Variants in SPACA3 observed in about 807,000 individuals in gnomAD.
SPACA3 encodes the protein sperm acrosome membrane-associated protein 3.
Under a neutral mutation model 24.5 loss-of-function variants are expected in SPACA3, and 21 were observed. That is an observed-to-expected ratio of 0.86 (90% CI 0.61 to 1.24). SPACA3 has a LOEUF of 1.24. Ranked by LOEUF, SPACA3 falls within the 50% of genes most tolerant of loss-of-function variation. SPACA3 has a pLI of 0.00. For missense variants in SPACA3, 278 were observed against 275.5 expected, an observed-to-expected ratio of 1.01 and a Z score of -0.06; for synonymous variants, 115 against 106.9, an observed-to-expected ratio of 1.08 and a Z score of -0.47.
chr17:32,993,806 G>C (rs982217337), intron 1 of SPACA3, among the ~76,000 whole-genome samples: 1 of 152,074 alleles, frequency 6.6e-6, no homozygotes, highest in Non-Finnish European at 1.5e-5. Context: ...AAGTCTCTAC[G>C]AGCAGGGGAA....
At chr17:32,994,193 G>A (rs2091708593) in intron 1 of SPACA3, among the ~76,000 whole-genome samples, 1 of 152,180 alleles carries the variant, frequency 6.6e-6, no homozygotes, top group African/African-American at 2.4e-5. Context: ...GCAGAGACAA[G>A]CGCGAGTACC....
In SPACA3 at chr17:32,996,979, C is replaced by G; in HGVS notation, c.480C>G (p.Asn160Lys). ...GCAACCTCACCCCGAACGTCCCCAA[C>G]GTGTGCCGGATGTACTGCTCAGGTA... ...WCSNLTPNVP[N>K]VCRMYCSDLL... The change falls in exon 3 of 5, where the codon AAC becomes AAG. Residue 160 changes from asparagine to lysine, a missense_variant. Transcript: ENST00000269053. 1 of 1,574,684 alleles carries G rather than the reference C, an allele frequency of 6.4e-7. No individual in the cohort carries two copies. The highest frequency in any genetic ancestry group is 8.6e-7 in the Non-Finnish European group (1 of 1,160,656).
At chr17:32,996,201 T>G (rs16967848) in intron 2 of SPACA3, among the ~76,000 whole-genome samples, 24,807 of 152,146 alleles carry the variant, frequency 0.16, 2,782 homozygotes, top group African/African-American at 0.32. Flanking sequence ...GATTTAGCAC[T>G]TGTAGGCTGG....
rs768144125 is a variant in SPACA3 at position 32,995,416 on chromosome 17, C to T, written c.42C>T (p.His14=). 2 of 1,596,872 alleles carry T rather than the reference C, an allele frequency of 1.3e-6. No homozygotes were observed. The highest frequency in any genetic ancestry group is 3.4e-5 in the Admixed American group (2 of 59,184). ...ALRGAPLIRV[H]SSPVSSPSVS... ...TCCTCTCCCCTTTCCCAGGGGTGCA[C>T]TCAAGCCCTGTTTCTTCTCCTTCTG... Residue 14 remains histidine (H), a synonymous_variant, in exon 2 of 5, where the codon CAC becomes CAT. Transcript: ENST00000269053.
At chr17:32,993,545 C>T (rs536143727) in intron 1 of SPACA3, among the ~76,000 whole-genome samples, 19 of 152,236 alleles carry the variant, frequency 1.2e-4, no homozygotes, top group Admixed American at 6.5e-4. Flanking sequence ...CTTTCAACAG[C>T]GGGTGGCGGA....
chr17:32,996,882 C>A lies in SPACA3; in HGVS notation c.383C>A (p.Ala128Asp). ...TATTTCACAAGCGGTTTCAACGCAG[C>A]TGCTTTGGACTACGAGGCTGATGGG... is the stretch of plus-strand genomic sequence containing the variant. ...LAYFTSGFNA[A>D]ALDYEADGST... The change falls in exon 3 of 5, where the codon GCT (alanine) becomes GAT (aspartate). Residue 128 changes from alanine to aspartate, a missense_variant. Ala to Asp is a moderately radical substitution (Grantham distance 126). Coordinates refer to ENST00000269053, the MANE Select transcript of SPACA3 (RefSeq NM_173847.5). The A allele has an allele frequency of 6.2e-7, 1 of 1,608,600 alleles. No individual in the cohort carries two copies. The highest frequency in any genetic ancestry group is 8.5e-7 in the Non-Finnish European group (1 of 1,177,356).
intron 3 of SPACA3, 101 bp from the exon 4 acceptor site, chr17:32,997,344 T>TAG (rs111922885): frequency 0.01 from 6,044 of 597,856 alleles, 38 homozygotes; most frequent in Admixed American, 0.014. Context: ...TGTGTGTGTG[T>TAG]AGAGAGAGAG....
rs1598225247 is a variant in SPACA3 at position 32,997,431 on chromosome 17, G to C, written c.503-14G>C. On this transcript the variant is annotated splice_polypyrimidine_tract_variant and intron_variant, in intron 3 of 4. Transcript: ENST00000269053. ...TCCTGTTCTCTCATTGTGTTTCTCT[G>C]CCTATCACCCCAGATTTGTTGAATC... 1 of 1,611,702 alleles carries C rather than the reference G, an allele frequency of 6.2e-7. No homozygotes were observed. The highest frequency in any genetic ancestry group is 1.7e-5 in the Admixed American group (1 of 59,898).
At chr17:32,992,536 G>A (rs2091695803) in intron 1 of SPACA3, among the ~76,000 whole-genome samples, 1 of 152,314 alleles carries the variant, frequency 6.6e-6, no homozygotes, top group Middle Eastern at 3.4e-3. Flanking sequence ...AAGACCAGCC[G>A]CCGTTCTTCA....
chr17:32,997,379 A>T (rs1001906362), intron 3 of SPACA3, 66 bp from the exon 4 acceptor site: 111 of 742,078 alleles, frequency 1.5e-4, no homozygotes, highest in Middle Eastern at 2.7e-4. Flanking sequence ...ATACACACTC[A>T]CACACACACA....
chr17:32,997,594 C>T (rs1395476221), intron 4 of SPACA3, 71 bp downstream of exon 4: 1 of 1,549,400 alleles, frequency 6.5e-7, no homozygotes, highest in African/African-American at 1.4e-5. Context: ...AGGGAACAAA[C>T]CCCTTTCCTT....
intron 4 of SPACA3, 38 bp downstream of exon 4, chr17:32,997,561 G>A (rs750892220): frequency 1.3e-6 from 2 of 1,587,404 alleles, no homozygotes; most frequent in East Asian, 2.2e-5. Flanking sequence ...GCGGTGGTAT[G>A]GTTAGGACTG....
chr17:32,994,493 GGA>G (rs2091710357), intron 1 of SPACA3, among the ~76,000 whole-genome samples: 1 of 152,152 alleles, frequency 6.6e-6, no homozygotes, highest in Admixed American at 6.5e-5. Flanking sequence ...TGGAGACCAG[GGA>G]CACCAATTGG....
intron 1 of SPACA3, among the ~76,000 whole-genome samples, chr17:32,995,010 G>T (rs1458334892): frequency 1.3e-5 from 2 of 152,186 alleles, no homozygotes; most frequent in Non-Finnish European, 2.9e-5. Flanking sequence ...GGGAGACCTT[G>T]TTTCAGTTAA....
chr17:32,997,466 A>G lies in SPACA3; in HGVS notation c.524A>G (p.Lys175Arg). ...YCSDLLNPNL[K>R]DTVICAMKIT... ...CCAGATTTGTTGAATCCTAATCTCAAGGATACCGTTATCTGTGCCATGAAG... is the reference window on the plus strand; with the variant it reads ...CCAGATTTGTTGAATCCTAATCTCAGGGATACCGTTATCTGTGCCATGAAG... The change falls in exon 4 of 5, where the codon AAG (lysine) becomes AGG (arginine). Residue 175 changes from lysine to arginine, a missense_variant. Physicochemically the swap from Lys to Arg is conservative, Grantham distance 26. Transcript: ENST00000269053. 6.2e-7 allele frequency: 1 copy of G among 1,614,000 alleles called. No individual in the cohort carries two copies. The highest frequency in any genetic ancestry group is 8.5e-7 in the Non-Finnish European group (1 of 1,179,966).
At chr17:32,995,868 C>A in intron 2 of SPACA3, 151 bp downstream of exon 2, 3 of 974,060 alleles carry the variant, frequency 3.1e-6, no homozygotes, top group Non-Finnish European at 3.0e-6. Flanking sequence ...AGGTAGAGAA[C>A]AGCCAGCACG....
Position 32,997,806 on chromosome 17 carries a change from G to T in SPACA3, c.*28G>T, listed in dbSNP as rs767298191. 4 of 1,612,992 alleles carry T rather than the reference G, an allele frequency of 2.5e-6. No homozygotes were observed. The African/African-American group carries it at 5.3e-5, about 22-fold the overall frequency. On this transcript the variant is annotated 3_prime_UTR_variant, in exon 5 of 5. Coordinates refer to ENST00000269053, the MANE Select transcript of SPACA3 (RefSeq NM_173847.5). ...TGGACGGAACCATGCACAGCAGGCT[G>T]GGAAATGTGGTTTGGTTCCTGACCT...
At position 32,997,756 on chromosome 17, in the gene SPACA3, G is replaced by A; in HGVS notation, c.626G>A (p.Trp209Ter). The change falls in exon 5 of 5, where the codon TGG becomes TAG. Residue 209 changes from tryptophan to a stop codon, truncating the protein, a stop_gained. Coordinates refer to ENST00000269053, the MANE Select transcript of SPACA3 (RefSeq NM_173847.5). LOFTEE classifies it high-confidence loss of function. ...HHCQGKDLTEWVDGCDF is the reference protein window; with the variant it reads ...HHCQGKDLTE ...TGCCAGGGAAAAGACCTCACTGAAT[G>A]GGTGGATGGCTGTGACTTCTAGGAT... 6.2e-7 allele frequency: 1 copy of A among 1,614,234 alleles called. No individual in the cohort carries two copies. Among genetic ancestry groups the A allele is most frequent in the Middle Eastern group, 1.6e-4 (1 of 6,062 alleles).
chr17:32,995,363 G>A (rs756681787), intron 1 of SPACA3, 46 bp from the exon 2 acceptor site: 1 of 1,537,940 alleles, frequency 6.5e-7, no homozygotes, highest in South Asian at 1.2e-5. Flanking sequence ...CGTGCTGCTG[G>A]AGCCTGGCCT....
Sources: allele counts gnomAD v4.1 joint callset (sites outside exome capture counted in the v4.1 genomes callset), GRCh38; gene constraint gnomAD v4.1.1; transcripts MANE v1.5; gene names NCBI Gene and HGNC (gene_info 2026-07-23, HGNC 2026-07-21).